ERO1A: variants seen among roughly 807,000 people sequenced by gnomAD.
The protein encoded by ERO1A is endoplasmic reticulum oxidoreductase 1 alpha.
In ERO1A, 49 loss-of-function variants were observed where a neutral mutation model predicts 76.9. The observed-to-expected ratio is 0.64, with a 90% CI of 0.51 to 0.81. The LOEUF is 0.81. Ranked by LOEUF, ERO1A falls within the 30% of genes least tolerant of loss-of-function variation. The pLI, the probability that ERO1A is intolerant of heterozygous loss-of-function variation, is 0.00. For synonymous variants in ERO1A, 174 were observed against 181.2 expected, an observed-to-expected ratio of 0.96 and a Z score of 0.32; for missense variants, 448 against 542.1, an observed-to-expected ratio of 0.83 and a Z score of 1.72.
At chr14:52,678,402 T>C (rs2040873800) in intron 4 of ERO1A, 32 bp downstream of exon 4, 6 of 1,593,346 alleles carry the variant, frequency 3.8e-6, no homozygotes, top group Non-Finnish European at 5.2e-6. Flanking sequence ...TTCATTAAGA[T>C]ACTGGACACA....
chr14:52,677,198 G>A (rs575194387), intron 4 of ERO1A, among the ~76,000 whole-genome samples: 1 of 152,206 alleles, frequency 6.6e-6, no homozygotes, highest in African/African-American at 2.4e-5. Context: ...AATCATCAAG[G>A]CTGCTAAAAC....
chr14:52,678,395 A>G (rs775441326), intron 4 of ERO1A, 39 bp downstream of exon 4: 8 of 1,572,054 alleles, frequency 5.1e-6, no homozygotes, highest in Middle Eastern at 1.7e-4. Flanking sequence ...CAAGTTTTTC[A>G]TTAAGATACT....
intron 9 of ERO1A, among the ~76,000 whole-genome samples, chr14:52,660,563 T>C (rs543196095): frequency 1.3e-5 from 2 of 152,230 alleles, no homozygotes; most frequent in Non-Finnish European, 2.9e-5. Flanking sequence ...TAATATAATA[T>C]AAAGCACAAT....
intron 9 of ERO1A, among the ~76,000 whole-genome samples, chr14:52,659,265 ATTGT>A (rs1159863691): frequency 2.6e-5 from 4 of 152,338 alleles, no homozygotes; most frequent in East Asian, 1.9e-4. Context: ...ACAGACAAAA[ATTGT>A]TTGGTCTTAC....
intron 4 of ERO1A, among the ~76,000 whole-genome samples, chr14:52,672,796 A>C (rs1401190372): frequency 2.8e-4 from 42 of 150,834 alleles, no homozygotes; most frequent in Admixed American, 5.3e-4. Flanking sequence ...AAAAAAAACA[A>C]AAAACAAACA....
chr14:52,674,708 G>C (rs1468713434), intron 4 of ERO1A, among the ~76,000 whole-genome samples: 1 of 152,202 alleles, frequency 6.6e-6, no homozygotes, highest in East Asian at 1.9e-4. Flanking sequence ...CAAAACAGTG[G>C]TTGCCTCTGA....
Position 52,682,377 on chromosome 14 carries a change from T to C in ERO1A, c.266A>G (p.Asn89Ser). ...CCTTCTTCCACACTGGCTGATGTCA[T>C]TCCAGAAAGGACACGGCCTCTTCAG... is the stretch of plus-strand genomic sequence containing the variant. ...VNLKRPCPFWNDISQCGRRDC... is the reference protein window; with the variant it reads ...VNLKRPCPFWSDISQCGRRDC... The change falls in exon 3 of 16, where the codon AAT becomes AGT. Residue 89 changes from asparagine to serine, a missense_variant. Coordinates refer to ENST00000395686, the MANE Select transcript of ERO1A (RefSeq NM_014584.3). 1.2e-6 allele frequency: 2 copies of C among 1,612,322 alleles called. No homozygotes were observed. Among genetic ancestry groups the C allele is most frequent in the East Asian group, 4.5e-5 (2 of 44,838 alleles).
At chr14:52,661,246 A>G in intron 9 of ERO1A, 47 bp downstream of exon 9, 1 of 746,484 alleles carries the variant, frequency 1.3e-6, no homozygotes, top group Non-Finnish European at 2.0e-6. Flanking sequence ...AAACATCTGA[A>G]TGTATAAACA....
intron 4 of ERO1A, among the ~76,000 whole-genome samples, chr14:52,672,423 A>C (rs532747600): frequency 2.0e-5 from 3 of 152,348 alleles, no homozygotes; most frequent in African/African-American, 7.2e-5. Context: ...AAATATTTTA[A>C]GACAAAACAT....
In ERO1A at chr14:52,665,296, C is replaced by CAA. The variant is rs34009141; in HGVS notation, c.629+1077_629+1078dup. Among the ~76,000 whole-genome samples, 410 of 89,904 alleles carry CAA rather than the reference C, an allele frequency of 4.6e-3. 7 individuals are homozygous for CAA. In the East Asian group the frequency reaches 0.068, roughly 15 times the overall value. The allele number at this position is 89,904 out of a possible 152,430, so 59.0% of individuals were successfully genotyped here. On this transcript the variant is annotated intron_variant, in intron 7 of 15. Transcript: ENST00000395686. ...TGGGCAACAGAGTGAGACTTCATCT[C>CAA]AAAAAAAAAAAAAAAAAACCTTTAA...
intron 1 of ERO1A, among the ~76,000 whole-genome samples, chr14:52,694,536 A>G (rs1006608977): frequency 6.6e-6 from 1 of 152,150 alleles, no homozygotes; most frequent in African/African-American, 2.4e-5. Flanking sequence ...CCTAACCCTT[A>G]ATTTTGTATA....
intron 1 of ERO1A, among the ~76,000 whole-genome samples, chr14:52,684,963 T>C (rs762280183): frequency 1.3e-5 from 2 of 152,082 alleles, no homozygotes; most frequent in Non-Finnish European, 2.9e-5. Context: ...CTGTTAAATA[T>C]AGCATGCTCC....
At chr14:52,650,648 C>A (rs944138028) in intron 13 of ERO1A, among the ~76,000 whole-genome samples, 2 of 152,056 alleles carry the variant, frequency 1.3e-5, no homozygotes, top group African/African-American at 4.8e-5. Flanking sequence ...GGTCCACCTG[C>A]CTTTACTTAC....
At chr14:52,669,408 T>C (rs1473178593) in intron 6 of ERO1A, among the ~76,000 whole-genome samples, 2 of 149,830 alleles carry the variant, frequency 1.3e-5, no homozygotes, top group Admixed American at 6.7e-5. Flanking sequence ...ATATTTAAGG[T>C]AAAAAAAAAA....
chr14:52,668,169 A>G (rs963551356), intron 6 of ERO1A, among the ~76,000 whole-genome samples: 2 of 152,222 alleles, frequency 1.3e-5, no homozygotes, highest in African/African-American at 4.8e-5. Context: ...GGAATGGATA[A>G]CTGTTCATTT....
chr14:52,684,261 C>T (rs2041104000), intron 1 of ERO1A, among the ~76,000 whole-genome samples: 1 of 152,084 alleles, frequency 6.6e-6, no homozygotes, highest in Admixed American at 6.6e-5. Flanking sequence ...GTCCCCTCTC[C>T]AGGATCCTAG....
intron 1 of ERO1A, among the ~76,000 whole-genome samples, chr14:52,684,320 ACAAATACTC>A (rs2041106545): frequency 6.6e-6 from 1 of 152,156 alleles, no homozygotes; most frequent in Non-Finnish European, 1.5e-5. Context: ...GACCAGTAAA[ACAAATACTC>A]CATCATGTGA....
intron 3 of ERO1A, among the ~76,000 whole-genome samples, chr14:52,679,418 A>AT (rs3064778): frequency 0.17 from 25,075 of 146,782 alleles, 2,189 homozygotes; most frequent in African/African-American, 0.23. Flanking sequence ...CCTTCCAATG[A>AT]TTTTTTTTTT....
intron 13 of ERO1A, among the ~76,000 whole-genome samples, chr14:52,650,861 G>A (rs2039837708): frequency 6.6e-6 from 1 of 152,158 alleles, no homozygotes; most frequent in Non-Finnish European, 1.5e-5. Flanking sequence ...CTTGCCTGAG[G>A]TCAGACCCTA....
Sources: gnomAD v4.1 joint callset for allele counts (sites outside exome capture counted in the v4.1 genomes callset) on GRCh38, gnomAD v4.1.1 for gene constraint, MANE v1.5 for transcripts, NCBI Gene and HGNC (gene_info 2026-07-23, HGNC 2026-07-21) for gene names.